SLFN5: variants seen among roughly 807,000 people sequenced by gnomAD.
SLFN5 encodes schlafen family member 5.
In SLFN5, 34 loss-of-function variants were observed where a neutral mutation model predicts 48.5. The observed-to-expected ratio is 0.70, with a 90% CI of 0.53 to 0.93. The LOEUF (loss-of-function observed/expected upper bound fraction) is 0.93, where lower values mean the gene tolerates loss of function less well. Ranked by LOEUF, SLFN5 falls within the 40% of genes least tolerant of loss-of-function variation. The pLI, the probability that SLFN5 is intolerant of heterozygous loss-of-function variation, is 0.00. For missense variants in SLFN5, 1,006 were observed against 1,071.3 expected, an observed-to-expected ratio of 0.94 and a Z score of 0.85; for synonymous variants, 387 against 396.2, an observed-to-expected ratio of 0.98 and a Z score of 0.28.
In SLFN5 at chr17:35,267,409, A is replaced by T. The variant is rs1340771509; in HGVS notation, c.*1521A>T. The T allele has an allele frequency of 6.6e-6, 1 of 152,168 alleles. No homozygotes were observed. Among genetic ancestry groups the T allele is most frequent in the Admixed American group, 6.5e-5 (1 of 15,274 alleles). The allele number at this position is 152,168 out of a possible 1,614,324, so 9.4% of individuals were successfully genotyped here. On this transcript the variant is annotated 3_prime_UTR_variant, in exon 5 of 5. Coordinates refer to ENST00000299977, the MANE Select transcript of SLFN5 (RefSeq NM_144975.4). ...TGTATGAAAATTTAAAAACTAGAAA[A>T]GGTTGGGCATGGTGGCTCATGCTTG...
rs1192032852 is a variant in SLFN5, at chr17:35,266,771, A to T, written c.*883A>T. On this transcript the variant is annotated 3_prime_UTR_variant, in exon 5 of 5. Transcript: ENST00000299977. ...TTAATTTAATAATCAACAAAACGAC[A>T]AAGTCAGTTTAATATCTTTCTTCTG... 1.3e-5 allele frequency: 2 copies of T among 152,226 alleles called. No homozygotes were observed. Among genetic ancestry groups the T allele is most frequent in the East Asian group, 3.8e-4 (2 of 5,202 alleles). 9.4% of individuals were successfully genotyped at this position (152,226 alleles called of 1,614,324 possible). A position where few individuals can be genotyped will look rare whatever the true frequency, so the allele number is the denominator to read the frequency against.
intron 1 of SLFN5, among the ~76,000 whole-genome samples, chr17:35,257,448 C>A (rs1904380765): frequency 6.6e-6 from 1 of 152,196 alleles, no homozygotes; most frequent in Admixed American, 6.5e-5. Flanking sequence ...CCTGGCAACA[C>A]CCCAACAAAA....
At chr17:35,245,546 T>A (rs754528684) in intron 1 of SLFN5, among the ~76,000 whole-genome samples, 12 of 152,232 alleles carry the variant, frequency 7.9e-5, no homozygotes, top group Non-Finnish European at 1.6e-4. Flanking sequence ...ATAGAAATCA[T>A]TTCCAGTATT....
At position 35,263,001 on chromosome 17, in the gene SLFN5, G is replaced by T. The variant is rs558812665; in HGVS notation, c.1139-1182G>T. Among the ~76,000 whole-genome samples, 27 of 152,298 alleles carry T rather than the reference G, an allele frequency of 1.8e-4. No individual in the cohort carries two copies. The South Asian group carries it at 4.1e-3, about 23-fold the overall frequency. ...TCAGGTAAGTGAAACCATACAGTAC[G>T]TAATCTTGCCAGGTGTTAAGATGGC... On this transcript the variant is annotated intron_variant, in intron 3 of 4. Transcript: ENST00000299977.
At position 35,266,279 on chromosome 17, in the gene SLFN5, C is replaced by T. The variant is rs1904693711; in HGVS notation, c.*391C>T. ...AGGGAAGAACTTGTCATGAGAATCT[C>T]TGAGCGTGCCAGGCAGACTCGGATA... On this transcript the variant is annotated 3_prime_UTR_variant, in exon 5 of 5. Coordinates refer to ENST00000299977, the MANE Select transcript of SLFN5 (RefSeq NM_144975.4). 6.3e-6 allele frequency: 1 copy of T among 159,478 alleles called. No homozygotes were observed. The highest frequency in any genetic ancestry group is 6.3e-5 in the Admixed American group (1 of 15,818). 9.9% of individuals were successfully genotyped at this position (159,478 alleles called of 1,614,324 possible).
intron 1 of SLFN5, among the ~76,000 whole-genome samples, chr17:35,249,260 A>C (rs1407409103): frequency 6.6e-6 from 1 of 152,224 alleles, no homozygotes; most frequent in Non-Finnish European, 1.5e-5. Flanking sequence ...AAAGAGCTTT[A>C]GAACTAAAAT....
Position 35,265,780 on chromosome 17 carries a change from G to C in SLFN5, c.2568G>C (p.Val856=). 2 of 1,614,200 alleles carry C rather than the reference G, an allele frequency of 1.2e-6. No individual in the cohort carries two copies. Among genetic ancestry groups the C allele is most frequent in the Non-Finnish European group, 1.7e-6 (2 of 1,180,030 alleles). Residue 856 remains valine (V), a synonymous_variant, in exon 5 of 5, where the codon GTG becomes GTC. Transcript: ENST00000299977. ...TTTCAGGCCTGGAAAGAAATATCGT[G>C]TTTGGAATCAATCCAGGAGTAGCCC... ...CRFSGLERNI[V]FGINPGVAPP... is the part of the protein sequence containing the mutation.
At chr17:35,252,802 G>C (rs1351783799) in intron 1 of SLFN5, among the ~76,000 whole-genome samples, 1 of 151,954 alleles carries the variant, frequency 6.6e-6, no homozygotes, top group Non-Finnish European at 1.5e-5. Flanking sequence ...ATGTAGTTTT[G>C]AAAATCATAG....
At chr17:35,258,473 TACA>T (rs1231038550) in intron 1 of SLFN5, among the ~76,000 whole-genome samples, 175 bp from the exon 2 acceptor site, 1 of 152,168 alleles carries the variant, frequency 6.6e-6, no homozygotes, top group African/African-American at 2.4e-5. Flanking sequence ...GGCTTCCTCC[TACA>T]ACATGTGGGA....
At chr17:35,245,815 T>C (rs1349568780) in intron 1 of SLFN5, among the ~76,000 whole-genome samples, 1 of 146,184 alleles carries the variant, frequency 6.8e-6, no homozygotes, top group Non-Finnish European at 1.5e-5. Flanking sequence ...CAAGTCTTTG[T>C]ATGGACATAT....
At position 35,264,491 on chromosome 17, in the gene SLFN5, G is replaced by A. The variant is rs1238354601; in HGVS notation, c.1447G>A (p.Gly483Ser). Residue 483 changes from glycine to serine, a missense_variant, in exon 4 of 5, where the codon GGC becomes AGC. Gly to Ser is a moderately conservative substitution (Grantham distance 56). Transcript: ENST00000299977. ...GAAGCAGAAGCTGGTGAACAAAGGC[G>A]GCTACACTGGGAGGTTATGCATCAC... ...SLKQKLVNKG[G>S]YTGRLCITPL... 6.2e-6 allele frequency: 10 copies of A among 1,613,948 alleles called. No individual in the cohort carries two copies. The highest frequency in any genetic ancestry group is 2.7e-5 in the African/African-American group (2 of 74,896).
rs1904665180 is a variant in SLFN5, at chr17:35,265,759, A to G, written c.2547A>G (p.Ser849=). The stretch of plus-strand genomic sequence containing the variant: ...TGTTGGACAGTGTCTGTCGATTTTC[A>G]GGCCTGGAAAGAAATATCGTGTTTG... ...HIVLDSVCRF[S]GLERNIVFGI... The change falls in exon 5 of 5, where the codon TCA becomes TCG. Residue 849 remains serine (S), a synonymous_variant. Transcript: ENST00000299977. 6.2e-7 allele frequency: 1 copy of G among 1,614,234 alleles called. No homozygotes were observed. The highest frequency in any genetic ancestry group is 8.5e-7 in the Non-Finnish European group (1 of 1,180,030).
At chr17:35,247,578 T>A (rs1474352467) in intron 1 of SLFN5, among the ~76,000 whole-genome samples, 1 of 152,228 alleles carries the variant, frequency 6.6e-6, no homozygotes, top group Non-Finnish European at 1.5e-5. Context: ...GTCTCTTTTT[T>A]TTGAGTTCCT....
Position 35,266,141 on chromosome 17 carries a change from GATGT to G in SLFN5, c.*254_*257del, listed in dbSNP as rs138146906. ...TAATTAGAGGACCGTGAGACTCAGAGATGTGTGTGTGTGTGTGTGTGTGTGTGTG... is the reference window on the plus strand; with the variant it reads ...TAATTAGAGGACCGTGAGACTCAGAGGTGTGTGTGTGTGTGTGTGTGTGTG... On this transcript the variant is annotated 3_prime_UTR_variant, in exon 5 of 5. Coordinates refer to ENST00000299977, the MANE Select transcript of SLFN5 (RefSeq NM_144975.4). 29 of 354,018 alleles carry G rather than the reference GATGT, an allele frequency of 8.2e-5. No homozygotes were observed. Among genetic ancestry groups the G allele is most frequent in the South Asian group, 1.9e-4 (5 of 26,596 alleles). 21.9% of individuals were successfully genotyped at this position (354,018 alleles called of 1,614,324 possible).
rs1904412796 is a variant in SLFN5, at chr17:35,258,642, G to A, written c.-40-9G>A. On this transcript the variant is annotated splice_polypyrimidine_tract_variant and intron_variant, in intron 1 of 4. Transcript: ENST00000299977. ...CCTGTTCTAATGGTTCTATCTTTCTGTTTTTCAGGAGAACATTTCAGGATA... is the reference window on the plus strand; with the variant it reads ...CCTGTTCTAATGGTTCTATCTTTCTATTTTTCAGGAGAACATTTCAGGATA... 6.4e-7 allele frequency: 1 copy of A among 1,567,936 alleles called. No individual in the cohort carries two copies. Among genetic ancestry groups the A allele is most frequent in the Non-Finnish European group, 8.6e-7 (1 of 1,157,058 alleles).
chr17:35,256,854 C>T lies in SLFN5; in HGVS notation c.-40-1797C>T, dbSNP rs537942995. On this transcript the variant is annotated intron_variant, in intron 1 of 4. Coordinates refer to ENST00000299977, the MANE Select transcript of SLFN5 (RefSeq NM_144975.4). ...CACCAGGGGTCCCCCTGGCCCTGGA[C>T]CAGTACCTGACTGTGGCCTGTTAGG... Among the ~76,000 whole-genome samples the T allele has an allele frequency of 9.9e-5, 15 of 152,268 alleles. No homozygotes were observed. In the South Asian group the frequency reaches 3.1e-3, roughly 32 times the overall value.
chr17:35,266,034 G>A lies in SLFN5; in HGVS notation c.*146G>A. ...GGGGATTGAGAACGAATCGATGTAA[G>A]ATTCCTCCTTTAGGGCAGAGACAGA... On this transcript the variant is annotated 3_prime_UTR_variant, in exon 5 of 5. Transcript: ENST00000299977. The A allele has an allele frequency of 1.2e-6, 1 of 839,172 alleles. No homozygotes were observed. The highest frequency in any genetic ancestry group is 1.8e-6 in the Non-Finnish European group (1 of 561,048). The allele number at this position is 839,172 out of a possible 1,614,324, so 52.0% of individuals were successfully genotyped here.
At chr17:35,243,202 G>A (rs940571077) in intron 1 of SLFN5, 59 bp downstream of exon 1, 2 of 152,362 alleles carry the variant, frequency 1.3e-5, no homozygotes, top group Non-Finnish European at 2.9e-5. Flanking sequence ...CCCGGTCTGC[G>A]CGGGTTCTCC....
chr17:35,264,430 G>A lies in SLFN5; in HGVS notation c.1386G>A (p.Gly462=). The part of the protein sequence containing the change: ...LYTIFSKWDA[G]CKGYSMIVAY... ...CCATCTTCAGCAAGTGGGATGCGGGGTGCAAGGGCTATTCTATGATAGTTG... is the reference window on the plus strand; with the variant it reads ...CCATCTTCAGCAAGTGGGATGCGGGATGCAAGGGCTATTCTATGATAGTTG... Residue 462 remains glycine (G), a synonymous_variant, in exon 4 of 5, where the codon GGG becomes GGA. Transcript: ENST00000299977. The A allele has an allele frequency of 6.2e-7, 1 of 1,614,172 alleles. No homozygotes were observed. Among genetic ancestry groups the A allele is most frequent in the Non-Finnish European group, 8.5e-7 (1 of 1,180,032 alleles).
Sources: gnomAD v4.1 joint callset for allele counts (sites outside exome capture counted in the v4.1 genomes callset) on GRCh38, gnomAD v4.1.1 for gene constraint, MANE v1.5 for transcripts, NCBI Gene and HGNC (gene_info 2026-07-23, HGNC 2026-07-21) for gene names.